The following CEP128 variants were observed in gnomAD, a reference collection of about 807,000 sequenced individuals.
CEP128 encodes centrosomal protein 128.
In CEP128, 132 loss-of-function variants were observed where a neutral mutation model predicts 156.7. That is an observed-to-expected ratio of 0.84 (90% CI 0.73 to 0.97). The LOEUF (loss-of-function observed/expected upper bound fraction) is 0.97, where lower values mean the gene tolerates loss of function less well. Among genes scored for constraint, CEP128 ranks in the 50% least tolerant of loss-of-function variants. CEP128 has a pLI of 0.00. For missense variants in CEP128, 1,252 were observed against 1,281.9 expected (o/e 0.98, Z 0.36); for synonymous variants, 469 against 448.9 (o/e 1.04, Z -0.57).
At chr14:80,725,468 G>A (rs981308140) in intron 19 of CEP128, among the ~76,000 whole-genome samples, 1 of 152,020 alleles carries the variant, frequency 6.6e-6, no homozygotes, top group Non-Finnish European at 1.5e-5. Flanking sequence ...CAGAGGTGAG[G>A]CACTGCGCCC....
At chr14:80,790,074 T>C (rs1467003878) in intron 14 of CEP128, among the ~76,000 whole-genome samples, 1 of 152,096 alleles carries the variant, frequency 6.6e-6, no homozygotes, top group Non-Finnish European at 1.5e-5. Context: ...ATAGCATATA[T>C]TACATATAAC....
At chr14:80,477,092 T>C (rs1886959685) in exon 15 of CEP128, 1 of 152,126 alleles carries the variant, frequency 6.6e-6, no homozygotes. Context: ...AACCACATCA[T>C]ACAATTAAGA....
At chr14:80,866,000 C>T (rs1311396198) in intron 8 of CEP128, among the ~76,000 whole-genome samples, 1 of 152,118 alleles carries the variant, frequency 6.6e-6, no homozygotes, top group Non-Finnish European at 1.5e-5. Context: ...TTTAAGCCAG[C>T]AAGTTAGGGG....
At chr14:80,653,682 A>G (rs2140862456) in intron 19 of CEP128, among the ~76,000 whole-genome samples, 1 of 152,274 alleles carries the variant, frequency 6.6e-6, no homozygotes, top group East Asian at 1.9e-4. Flanking sequence ...CATTACAAAA[A>G]TTATCGGGCC....
At chr14:80,635,275 C>A (rs1218509542) in intron 19 of CEP128, among the ~76,000 whole-genome samples, 1 of 152,142 alleles carries the variant, frequency 6.6e-6, no homozygotes, top group Non-Finnish European at 1.5e-5. Context: ...AAGTGAATTT[C>A]TCTTTGATTT....
chr14:80,615,157 A>T (rs538119859), intron 19 of CEP128, among the ~76,000 whole-genome samples: 22 of 152,232 alleles, frequency 1.4e-4, no homozygotes, highest in Admixed American at 3.9e-4. Context: ...AGACACCAAG[A>T]TCAAATATCA....
intron 19 of CEP128, among the ~76,000 whole-genome samples, chr14:80,704,838 ACT>A (rs1186544478): frequency 6.6e-6 from 1 of 150,900 alleles, no homozygotes; most frequent in African/African-American, 2.4e-5. Flanking sequence ...CCTTTTTTAA[ACT>A]CTTTTATTGT....
intron 19 of CEP128, among the ~76,000 whole-genome samples, chr14:80,730,209 G>C (rs1898211923): frequency 6.6e-6 from 1 of 152,084 alleles, no homozygotes; most frequent in South Asian, 2.1e-4. Context: ...ATACTATATA[G>C]AGGTCTCCCC....
At position 80,926,332 on chromosome 14, in the gene CEP128, C is replaced by A. The variant is rs1018573192; in HGVS notation, c.-15-9770G>T. ...CTAGCACAACACTGTGGGTATGAGA[C>A]CTGCCTTGCCAAGTTCATGGGAGCT... On this transcript the variant is annotated intron_variant, in intron 2 of 24. Coordinates refer to ENST00000555265, the MANE Select transcript of CEP128 (RefSeq NM_152446.5). Among the ~76,000 whole-genome samples the A allele has an allele frequency of 7.9e-5, 12 of 152,284 alleles. No homozygotes were observed. In the East Asian group the frequency reaches 1.9e-3, roughly 25 times the overall value.
intron 6 of CEP128, among the ~76,000 whole-genome samples, chr14:80,902,681 G>A (rs892825900): frequency 6.6e-6 from 1 of 152,166 alleles, no homozygotes. Flanking sequence ...GAAATCTTTA[G>A]TGAATAAAGT....
chr14:80,512,292 C>T (rs1414900549), intron 23 of CEP128, among the ~76,000 whole-genome samples: 1 of 151,972 alleles, frequency 6.6e-6, no homozygotes, highest in African/African-American at 2.4e-5. Flanking sequence ...GTTATATCCT[C>T]TTCCTGAATG....
chr14:80,555,707 A>G (rs1890404773), intron 21 of CEP128, among the ~76,000 whole-genome samples: 1 of 152,054 alleles, frequency 6.6e-6, no homozygotes, highest in Middle Eastern at 3.2e-3. Flanking sequence ...GGCTCTTTCT[A>G]TCTCACTACT....
chr14:80,503,876 A>G (rs1887850161), intron 24 of CEP128, among the ~76,000 whole-genome samples: 2 of 152,116 alleles, frequency 1.3e-5, no homozygotes, highest in African/African-American at 4.8e-5. Flanking sequence ...ATAATGAAAA[A>G]CCACACCACT....
At chr14:80,907,975 T>A (rs1883986275) in intron 4 of CEP128, among the ~76,000 whole-genome samples, 1 of 152,188 alleles carries the variant, frequency 6.6e-6, no homozygotes, top group Non-Finnish European at 1.5e-5. Flanking sequence ...CTCTCTTAAC[T>A]TTTGCTGTGT....
intron 13 of CEP128, among the ~76,000 whole-genome samples, chr14:80,814,481 G>A (rs1046851336): frequency 1.1e-5 from 1 of 88,080 alleles, no homozygotes; most frequent in African/African-American, 4.9e-5. Context: ...CCATTATTTG[G>A]TTAAAAAAAA....
At chr14:80,693,615 T>C (rs1415214176) in intron 19 of CEP128, among the ~76,000 whole-genome samples, 1 of 152,138 alleles carries the variant, frequency 6.6e-6, no homozygotes, top group Non-Finnish European at 1.5e-5. Flanking sequence ...CCATACTTCT[T>C]TATTTTAAAA....
At chr14:80,510,668 C>T (rs1449509811) in intron 23 of CEP128, among the ~76,000 whole-genome samples, 2 of 152,038 alleles carry the variant, frequency 1.3e-5, no homozygotes, top group African/African-American at 4.8e-5. Flanking sequence ...GCATCCTTGT[C>T]TTGTTACAGA....
At chr14:80,956,126 G>A (rs1886664453) in intron 2 of CEP128, among the ~76,000 whole-genome samples, 1 of 152,210 alleles carries the variant, frequency 6.6e-6, no homozygotes, top group Non-Finnish European at 1.5e-5. Context: ...TTTCCAACAA[G>A]CTGCTATTCA....
At chr14:80,851,834 T>G (rs1488629734) in intron 9 of CEP128, among the ~76,000 whole-genome samples, 1 of 152,004 alleles carries the variant, frequency 6.6e-6, no homozygotes, top group African/African-American at 2.4e-5. Context: ...TGATATGCCA[T>G]GAATAAAGTA....
Sources: allele counts gnomAD v4.1 joint callset (sites outside exome capture counted in the v4.1 genomes callset), GRCh38; gene constraint gnomAD v4.1.1; transcripts MANE v1.5; gene names NCBI Gene and HGNC (gene_info 2026-07-23, HGNC 2026-07-21).